Variants in LRRC4C observed in about 807,000 individuals in gnomAD.
LRRC4C encodes leucine-rich repeat-containing protein 4C.
Under a neutral mutation model 33.6 loss-of-function variants are expected in LRRC4C, and 5 were observed. The ratio of observed to expected loss-of-function variants is 0.15; its 90% CI spans 0.08 to 0.31. The LOEUF is 0.31. Among genes scored for constraint, LRRC4C ranks in the 10% least tolerant of loss-of-function variants. The pLI, the probability that LRRC4C is intolerant of heterozygous loss-of-function variation, is 1.00. For synonymous variants in LRRC4C, 329 were observed against 302.0 expected, an observed-to-expected ratio of 1.09 and a Z score of -0.93; for missense variants, 560 against 796.7, an observed-to-expected ratio of 0.70 and a Z score of 3.58.
chr11:41,185,864 C>A (rs1945671871), intron 1 of LRRC4C, among the ~76,000 whole-genome samples: 1 of 149,314 alleles, frequency 6.7e-6, no homozygotes, highest in Admixed American at 6.6e-5. Context: ...ATGTAAAAAC[C>A]AAAATTTTAA....
At chr11:41,151,519 A>T (rs564708093) in intron 1 of LRRC4C, among the ~76,000 whole-genome samples, 1 of 152,226 alleles carries the variant, frequency 6.6e-6, no homozygotes, top group Non-Finnish European at 1.5e-5. Context: ...ACATGTTTTC[A>T]TACAATTTCA....
chr11:40,919,935 G>A (rs1451196985), intron 2 of LRRC4C, among the ~76,000 whole-genome samples: 1 of 151,854 alleles, frequency 6.6e-6, no homozygotes, highest in East Asian at 1.9e-4. Flanking sequence ...AGAAAAACAG[G>A]GCCATATTAC....
At chr11:41,064,027 A>C (rs1366087443) in intron 1 of LRRC4C, among the ~76,000 whole-genome samples, 1 of 152,222 alleles carries the variant, frequency 6.6e-6, no homozygotes, top group Non-Finnish European at 1.5e-5. Context: ...GTTAAAGTTG[A>C]AAACAATTCT....
At chr11:41,337,870 G>A (rs1951505652) in intron 1 of LRRC4C, among the ~76,000 whole-genome samples, 1 of 151,868 alleles carries the variant, frequency 6.6e-6, no homozygotes, top group South Asian at 2.1e-4. Context: ...TCAAAAAATG[G>A]GCAAAGTATA....
At chr11:40,521,288 G>A (rs1174162821) in intron 3 of LRRC4C, among the ~76,000 whole-genome samples, 1 of 152,172 alleles carries the variant, frequency 6.6e-6, no homozygotes, top group Non-Finnish European at 1.5e-5. Context: ...GAGACATGAA[G>A]CATTGTAATG....
chr11:40,348,074 T>G (rs999100593), intron 3 of LRRC4C, among the ~76,000 whole-genome samples: 1 of 152,182 alleles, frequency 6.6e-6, no homozygotes, highest in Admixed American at 6.5e-5. Context: ...TATATGGGCA[T>G]GGATCACGGT....
chr11:40,524,241 C>G (rs1417825116), intron 3 of LRRC4C, among the ~76,000 whole-genome samples: 1 of 152,106 alleles, frequency 6.6e-6, no homozygotes, highest in Non-Finnish European at 1.5e-5. Context: ...GGGGATTAAG[C>G]AAATCATTTC....
intron 1 of LRRC4C, among the ~76,000 whole-genome samples, chr11:41,310,667 G>C (rs1005845097): frequency 6.6e-6 from 1 of 152,044 alleles, no homozygotes; most frequent in Admixed American, 6.5e-5. Flanking sequence ...TCTAGCCTTA[G>C]TTTAAAAATT....
chr11:40,119,196 C>T (rs1023041489), intron 6 of LRRC4C, among the ~76,000 whole-genome samples: 1 of 152,172 alleles, frequency 6.6e-6, no homozygotes, highest in Non-Finnish European at 1.5e-5. Flanking sequence ...AAGCAGCTGT[C>T]ATTAGCAATC....
At chr11:40,745,174 C>T (rs1012558017) in intron 2 of LRRC4C, among the ~76,000 whole-genome samples, 3 of 152,252 alleles carry the variant, frequency 2.0e-5, no homozygotes, top group South Asian at 2.1e-4. Flanking sequence ...TTATCATGCT[C>T]ATATTTACAC....
intron 1 of LRRC4C, among the ~76,000 whole-genome samples, chr11:41,162,336 C>T (rs1944509280): frequency 2.0e-5 from 3 of 152,100 alleles, no homozygotes; most frequent in Admixed American, 2.0e-4. Flanking sequence ...TTACTTCTGC[C>T]TTATTTCCGA....
intron 4 of LRRC4C, among the ~76,000 whole-genome samples, chr11:40,251,703 C>A (rs1280882358): frequency 6.6e-6 from 1 of 152,170 alleles, no homozygotes; most frequent in Non-Finnish European, 1.5e-5. Flanking sequence ...CTGATTACAG[C>A]TGAAAGAAAC....
intron 3 of LRRC4C, among the ~76,000 whole-genome samples, chr11:40,477,623 A>G (rs1953306262): frequency 6.6e-6 from 1 of 150,682 alleles, no homozygotes; most frequent in South Asian, 2.1e-4. Flanking sequence ...TTTTTCCCTT[A>G]TATTGACTAC....
Position 40,115,684 on chromosome 11 carries a change from G to T in LRRC4C, c.609C>A (p.Asn203Lys). The T allele has an allele frequency of 6.2e-7, 1 of 1,614,144 alleles. No homozygotes were observed. Among genetic ancestry groups the T allele is most frequent in the Non-Finnish European group, 8.5e-7 (1 of 1,180,012 alleles). ...FEGLSNLRYL[N>K]LAMCNLREIP... ...TTTCCCGAAGGTTGCACATGGCAAGGTTCAAATACCTCAAGTTGGACAGAC... is the reference window on the plus strand; with the variant it reads ...TTTCCCGAAGGTTGCACATGGCAAGTTTCAAATACCTCAAGTTGGACAGAC... The change falls in exon 7 of 7, where the codon AAC (asparagine) becomes AAA (lysine). Residue 203 changes from asparagine (N) to lysine (K), a missense_variant. This residue lies in a region of LRRC4C where 455 missense variants were observed against 643.8 expected (regional missense o/e 0.71). Coordinates refer to ENST00000528697, the MANE Select transcript of LRRC4C (RefSeq NM_001258419.2). This position sits in a 1 kb window ranked among gnomAD's most constrained non-coding sequence, Gnocchi z 6.7.
chr11:40,700,059 G>A (rs9645637), intron 2 of LRRC4C, among the ~76,000 whole-genome samples: 50,117 of 151,834 alleles, frequency 0.33, 8,385 homozygotes, highest in East Asian at 0.44. Flanking sequence ...AAACATTCCC[G>A]GGTGAAGTTA....
chr11:40,579,166 A>G (rs997103714), intron 3 of LRRC4C, among the ~76,000 whole-genome samples: 2 of 152,128 alleles, frequency 1.3e-5, no homozygotes, highest in African/African-American at 4.8e-5. Flanking sequence ...GTAAAATCCC[A>G]TTTCTACCAA....
At chr11:41,118,695 C>T (rs1181845545) in intron 1 of LRRC4C, among the ~76,000 whole-genome samples, 1 of 152,174 alleles carries the variant, frequency 6.6e-6, no homozygotes, top group Non-Finnish European at 1.5e-5. Context: ...ATGTCTTCCA[C>T]ATGCAGAACC....
intron 4 of LRRC4C, among the ~76,000 whole-genome samples, chr11:40,244,768 A>C (rs1166076223): frequency 6.6e-6 from 1 of 152,062 alleles, no homozygotes; most frequent in Non-Finnish European, 1.5e-5. Flanking sequence ...CGTTATGTAA[A>C]GAGAGATTCT....
intron 2 of LRRC4C, among the ~76,000 whole-genome samples, chr11:40,717,457 G>T (rs1946787038): frequency 6.6e-6 from 1 of 152,000 alleles, no homozygotes; most frequent in South Asian, 2.1e-4. Context: ...TGATGAAGAG[G>T]TTTGAAGAGT....
Sources: allele counts gnomAD v4.1 joint callset (sites outside exome capture counted in the v4.1 genomes callset), GRCh38; gene constraint gnomAD v4.1.1; regional missense constraint gnomAD v4.1.1; non-coding constraint Gnocchi (gnomAD v3.1); transcripts MANE v1.5; gene names NCBI Gene and HGNC (gene_info 2026-07-23, HGNC 2026-07-21).